The following GRID1 variants were observed in gnomAD, a reference collection of about 807,000 sequenced individuals.
GRID1 encodes the protein glutamate ionotropic receptor delta type subunit 1.
GRID1 carries 28 observed loss-of-function variants against 98.0 expected under a neutral mutation model. The observed-to-expected ratio is 0.29, with a 90% CI of 0.21 to 0.39. The LOEUF is 0.39. GRID1 is among the 10% of genes least tolerant of loss of function. The pLI is 1.00. For synonymous variants in GRID1, 553 were observed against 538.5 expected (o/e 1.03, Z -0.37); for missense variants, 1,111 against 1,340.5 (o/e 0.83, Z 2.67).
intron 2 of GRID1, among the ~76,000 whole-genome samples, chr10:86,318,585 G>C (rs1847929533): frequency 6.6e-6 from 1 of 152,160 alleles, no homozygotes; most frequent in Non-Finnish European, 1.5e-5. Context: ...ACCCACACAG[G>C]CTAGGCCTGG....
At chr10:86,188,675 C>A (rs1045514582) in intron 3 of GRID1, among the ~76,000 whole-genome samples, 5 of 152,210 alleles carry the variant, frequency 3.3e-5, no homozygotes, top group Non-Finnish European at 7.3e-5. Flanking sequence ...GGACACATAT[C>A]TATTCTTCTC....
chr10:86,029,012 T>G (rs1284698190), intron 4 of GRID1, among the ~76,000 whole-genome samples: 1 of 152,182 alleles, frequency 6.6e-6, no homozygotes, highest in Admixed American at 6.5e-5. Context: ...ATCCCTCTAA[T>G]GCTATACTAT....
At chr10:86,254,959 A>G (rs1846894786) in intron 2 of GRID1, among the ~76,000 whole-genome samples, 1 of 152,148 alleles carries the variant, frequency 6.6e-6, no homozygotes, top group Admixed American at 6.5e-5. Flanking sequence ...GCCCCTGGAG[A>G]AAGCCACATG....
chr10:86,323,723 A>G (rs1397407081), intron 2 of GRID1, among the ~76,000 whole-genome samples: 1 of 152,258 alleles, frequency 6.6e-6, no homozygotes, highest in Non-Finnish European at 1.5e-5. Context: ...GGTAGTGGCA[A>G]TGGTTGCACA....
chr10:85,795,137 T>C (rs1386638401), intron 8 of GRID1, among the ~76,000 whole-genome samples: 1 of 152,212 alleles, frequency 6.6e-6, no homozygotes, highest in Non-Finnish European at 1.5e-5. Context: ...GGACTACCTA[T>C]GCTTTTGTTC....
intron 12 of GRID1, among the ~76,000 whole-genome samples, chr10:85,700,023 T>C (rs745834538): frequency 3.3e-5 from 5 of 152,180 alleles, no homozygotes; most frequent in Non-Finnish European, 7.4e-5. Flanking sequence ...AGCTGCCTAC[T>C]TCCTAGACTA....
intron 7 of GRID1, 86 bp downstream of exon 7, chr10:85,855,943 T>G: frequency 8.0e-7 from 1 of 1,250,528 alleles, no homozygotes; most frequent in Admixed American, 1.8e-5. Context: ...GAGCCTAGCT[T>G]CAGGCCAGCT....
intron 5 of GRID1, among the ~76,000 whole-genome samples, chr10:85,878,570 TGAGA>T (rs1426315412): frequency 6.6e-6 from 1 of 152,106 alleles, no homozygotes; most frequent in South Asian, 2.1e-4. Context: ...AAGCAAATGC[TGAGA>T]GATTTTGTCA....
At chr10:85,945,713 T>G (rs1842046144) in intron 4 of GRID1, among the ~76,000 whole-genome samples, 1 of 152,196 alleles carries the variant, frequency 6.6e-6, no homozygotes, top group African/African-American at 2.4e-5. Context: ...ATGATAAAAT[T>G]TTCATAGTTT....
At chr10:85,896,932 G>A (rs1406504565) in intron 5 of GRID1, among the ~76,000 whole-genome samples, 2 of 152,122 alleles carry the variant, frequency 1.3e-5, no homozygotes, top group African/African-American at 4.8e-5. Flanking sequence ...GAGAAGATTT[G>A]CATAAATTAT....
intron 2 of GRID1, among the ~76,000 whole-genome samples, chr10:86,305,998 G>A (rs1038889091): frequency 6.6e-6 from 1 of 152,160 alleles, no homozygotes; most frequent in African/African-American, 2.4e-5. Context: ...ACTTGGGGGT[G>A]ATCAGTGCCC....
chr10:86,183,650 C>G (rs140469292), intron 3 of GRID1, among the ~76,000 whole-genome samples: 1,752 of 152,362 alleles, frequency 0.011, 33 homozygotes, highest in African/African-American at 0.04. Flanking sequence ...TGAGCCACCA[C>G]GCCCAGCCCA....
At chr10:86,262,621 G>A (rs1031709649) in intron 2 of GRID1, among the ~76,000 whole-genome samples, 1 of 152,186 alleles carries the variant, frequency 6.6e-6, no homozygotes, top group Non-Finnish European at 1.5e-5. Context: ...GCCCTGTTAG[G>A]AAGGGCCCCT....
rs188699409 is a variant in GRID1 at position 86,183,103 on chromosome 10, C to T, written c.520+23261G>A. ...CCCCAAATTTTCTTGTGCTTCTTTG[C>T]GGTCTTTCTTTCCCTATCCCCCACC... On this transcript the variant is annotated intron_variant, in intron 3 of 15. Transcript: ENST00000327946. Among the ~76,000 whole-genome samples the T allele has an allele frequency of 8.8e-4, 134 of 152,254 alleles. 1 individual carries two copies. Among genetic ancestry groups the T allele is most frequent in the East Asian group, 3.9e-3 (20 of 5,180 alleles).
chr10:86,064,656 C>T (rs540971314), intron 4 of GRID1, among the ~76,000 whole-genome samples: 1 of 152,306 alleles, frequency 6.6e-6, no homozygotes, highest in South Asian at 2.1e-4. Flanking sequence ...CCCTTCCCTG[C>T]TACCTCTCAC....
At chr10:86,210,595 C>T (rs1011595960) in intron 2 of GRID1, among the ~76,000 whole-genome samples, 1 of 152,168 alleles carries the variant, frequency 6.6e-6, no homozygotes, top group African/African-American at 2.4e-5. Flanking sequence ...AGAGCCATCT[C>T]GCCCTCCCCG....
At chr10:85,743,111 C>A (rs1264053226) in intron 8 of GRID1, among the ~76,000 whole-genome samples, 1 of 130,158 alleles carries the variant, frequency 7.7e-6, no homozygotes, top group Non-Finnish European at 1.7e-5. Flanking sequence ...TGCAGCCCCC[C>A]CCCCCACCAC....
chr10:86,105,878 G>A (rs1564676416), intron 4 of GRID1, among the ~76,000 whole-genome samples: 1 of 152,212 alleles, frequency 6.6e-6, no homozygotes, highest in African/African-American at 2.4e-5. Flanking sequence ...CTGCCCTGAG[G>A]AGCCGCGATG....
At chr10:85,930,053 C>G (rs911625326) in intron 4 of GRID1, among the ~76,000 whole-genome samples, 1 of 152,160 alleles carries the variant, frequency 6.6e-6, no homozygotes, top group African/African-American at 2.4e-5. Context: ...AAATAGTAGA[C>G]TATGATTATA....
Sources: allele counts gnomAD v4.1 joint callset (sites outside exome capture counted in the v4.1 genomes callset), GRCh38; gene constraint gnomAD v4.1.1; transcripts MANE v1.5; gene names NCBI Gene and HGNC (gene_info 2026-07-23, HGNC 2026-07-21).